CAMTA1: variants seen among roughly 807,000 people sequenced by gnomAD.
CAMTA1 encodes calmodulin binding transcription activator 1.
A neutral mutation model predicts 170.9 loss-of-function variants in CAMTA1; 27 were observed. The observed-to-expected ratio is 0.16, with a 90% CI of 0.12 to 0.22. The LOEUF (loss-of-function observed/expected upper bound fraction) is 0.22. Ranked by LOEUF, CAMTA1 falls within the 10% of genes least tolerant of loss-of-function variation. The pLI is 1.00. For missense variants in CAMTA1, 1,619 were observed against 2,217.2 expected, an observed-to-expected ratio of 0.73 and a Z score of 5.42; for synonymous variants, 833 against 891.5, an observed-to-expected ratio of 0.93 and a Z score of 1.17.
chr1:7,517,416 T>C (rs1369978184), intron 6 of CAMTA1, among the ~76,000 whole-genome samples: 4 of 152,104 alleles, frequency 2.6e-5, no homozygotes, highest in Admixed American at 6.5e-5. Context: ...GTGAAATGGG[T>C]ACACGAATCC....
At position 7,732,261 on chromosome 1, in the gene CAMTA1, C is replaced by G. The variant is rs575354236; in HGVS notation, c.2915-187C>G. Among the ~76,000 whole-genome samples the G allele has an allele frequency of 6.6e-6, 1 of 152,160 alleles. No individual in the cohort carries two copies. Among genetic ancestry groups the G allele is most frequent in the African/African-American group, 2.4e-5 (1 of 41,516 alleles). Reference sequence around the variant, plus strand: ...CGAGAACTTCGGGCTGCTGAAGGTGCCACCATCCTGTGTGAGGTGGTGACA... The same window carrying G: ...CGAGAACTTCGGGCTGCTGAAGGTGGCACCATCCTGTGTGAGGTGGTGACA... On this transcript the variant is annotated intron_variant, in intron 11 of 22. Transcript: ENST00000303635. The surrounding 1 kb of genome is among the most constrained non-coding windows in gnomAD (Gnocchi z 4.1).
intron 3 of CAMTA1, among the ~76,000 whole-genome samples, chr1:6,848,353 A>C (rs1659102320): frequency 2.6e-5 from 4 of 152,124 alleles, no homozygotes. Flanking sequence ...GAGTCTCCCT[A>C]CATTTCCCCG....
intron 6 of CAMTA1, among the ~76,000 whole-genome samples, chr1:7,531,787 TG>T (rs779637454): frequency 3.2e-4 from 49 of 152,236 alleles, no homozygotes; most frequent in South Asian, 1.0e-3. Flanking sequence ...ATGCCGTGCC[TG>T]TGGTCCACAG....
At chr1:7,222,351 C>T (rs1246926883) in intron 4 of CAMTA1, among the ~76,000 whole-genome samples, 2 of 152,152 alleles carry the variant, frequency 1.3e-5, no homozygotes, top group Non-Finnish European at 2.9e-5. Context: ...AATGCACCTG[C>T]GGGGAGGCTG....
At chr1:7,002,973 T>C (rs765891888) in intron 3 of CAMTA1, among the ~76,000 whole-genome samples, 3 of 145,624 alleles carry the variant, frequency 2.1e-5, no homozygotes, top group Non-Finnish European at 4.4e-5. Flanking sequence ...TGAAGGAACA[T>C]GGTAAAGAGC....
chr1:7,722,629 C>T (rs752789303), intron 11 of CAMTA1, among the ~76,000 whole-genome samples: 1 of 151,996 alleles, frequency 6.6e-6, no homozygotes, highest in Non-Finnish European at 1.5e-5. Context: ...TACTACTATA[C>T]TATAACCTAT....
chr1:7,407,260 C>T (rs1339471285), intron 5 of CAMTA1, among the ~76,000 whole-genome samples: 1 of 152,226 alleles, frequency 6.6e-6, no homozygotes, highest in African/African-American at 2.4e-5. Flanking sequence ...GGGCTCATGG[C>T]TGCTGGGGTA....
chr1:7,493,073 AG>A (rs2093751526), intron 6 of CAMTA1, among the ~76,000 whole-genome samples: 5 of 62,336 alleles, frequency 8.0e-5, no homozygotes, highest in South Asian at 4.5e-4. Context: ...GCACACACAC[AG>A]ACATACAAAC....
chr1:7,084,169 A>G (rs944906116), intron 3 of CAMTA1, among the ~76,000 whole-genome samples: 11 of 152,144 alleles, frequency 7.2e-5, no homozygotes, highest in South Asian at 2.1e-4. Context: ...AAATACATAT[A>G]TATATATAAA....
intron 3 of CAMTA1, among the ~76,000 whole-genome samples, chr1:6,896,148 T>A (rs1237373453): frequency 6.6e-6 from 1 of 152,208 alleles, no homozygotes; most frequent in Non-Finnish European, 1.5e-5. Flanking sequence ...GGAAAAAAAC[T>A]GCTCTAAACT....
intron 11 of CAMTA1, among the ~76,000 whole-genome samples, chr1:7,697,752 T>C (rs2096391984): frequency 6.6e-6 from 1 of 152,202 alleles, no homozygotes; most frequent in Admixed American, 6.5e-5. Flanking sequence ...GGCTGATGGC[T>C]AATGCATCTC....
At chr1:7,211,599 T>C (rs976481514) in intron 4 of CAMTA1, among the ~76,000 whole-genome samples, 10 of 152,348 alleles carry the variant, frequency 6.6e-5, no homozygotes, top group Middle Eastern at 6.8e-3. Flanking sequence ...CCGTCATTCT[T>C]TGAGCGCTTC....
chr1:7,613,696 T>A (rs1338469246), intron 6 of CAMTA1, among the ~76,000 whole-genome samples: 1 of 145,690 alleles, frequency 6.9e-6, no homozygotes, highest in African/African-American at 2.6e-5. Flanking sequence ...ACACACTGCA[T>A]GGCTCTCAGC....
At position 7,562,199 on chromosome 1, in the gene CAMTA1, C is replaced by T. The variant is rs1057235078; in HGVS notation, c.511-78201C>T. 6.6e-6 allele frequency among the ~76,000 whole-genome samples: 1 copy of T among 152,180 alleles called. No individual in the cohort carries two copies. Among genetic ancestry groups the T allele is most frequent in the Non-Finnish European group, 1.5e-5 (1 of 68,034 alleles). On this transcript the variant is annotated intron_variant, in intron 6 of 22. Coordinates refer to ENST00000303635, the MANE Select transcript of CAMTA1 (RefSeq NM_015215.4). This position sits in a 1 kb window ranked among gnomAD's most constrained non-coding sequence, Gnocchi z 4.8. ...AGGCCCGGCACCCCAGCTCCGGCCCCTCCCAAATCTGCTATTGTAAGCACT... is the reference window on the plus strand; with the variant it reads ...AGGCCCGGCACCCCAGCTCCGGCCCTTCCCAAATCTGCTATTGTAAGCACT...
In CAMTA1 at chr1:7,555,152, C is replaced by A. The variant is rs560791896; in HGVS notation, c.511-85248C>A. Among the ~76,000 whole-genome samples, 73 of 152,194 alleles carry A rather than the reference C, an allele frequency of 4.8e-4. 1 individual carries two copies. The highest frequency in any genetic ancestry group is 1.4e-3 in the Admixed American group (21 of 15,292). On this transcript the variant is annotated intron_variant, in intron 6 of 22. Transcript: ENST00000303635. The stretch of plus-strand genomic sequence containing the variant: ...CAGCGAGATGGGTGTGTTCTGGGAG[C>A]CGGATTGGCCTGTGGCTTTGGAAAT...
intron 3 of CAMTA1, among the ~76,000 whole-genome samples, chr1:7,058,721 G>A (rs1405643316): frequency 6.6e-6 from 1 of 152,168 alleles, no homozygotes; most frequent in Non-Finnish European, 1.5e-5. Flanking sequence ...TGAACATAGA[G>A]GCCAGGACTT....
At chr1:7,424,633 A>G (rs2091774806) in intron 5 of CAMTA1, among the ~76,000 whole-genome samples, 3 of 152,124 alleles carry the variant, frequency 2.0e-5, no homozygotes, top group African/African-American at 7.2e-5. Context: ...GCACTTTCTC[A>G]TGGGCTAAAC....
chr1:6,922,181 C>T (rs1322495077), intron 3 of CAMTA1, among the ~76,000 whole-genome samples: 1 of 151,582 alleles, frequency 6.6e-6, no homozygotes, highest in Admixed American at 6.6e-5. Context: ...CTTTTTTTTG[C>T]CAAAAACTCA....
At chr1:7,353,425 T>C (rs1426499530) in intron 5 of CAMTA1, among the ~76,000 whole-genome samples, 1 of 83,388 alleles carries the variant, frequency 1.2e-5, no homozygotes, top group Non-Finnish European at 2.1e-5. Context: ...TTTTTTTTCT[T>C]TCTCTCTTTT....
Sources: gnomAD v4.1 joint callset for allele counts (sites outside exome capture counted in the v4.1 genomes callset) on GRCh38, gnomAD v4.1.1 for gene constraint, Gnocchi (gnomAD v3.1) non-coding constraint, MANE v1.5 for transcripts, NCBI Gene and HGNC (gene_info 2026-07-23, HGNC 2026-07-21) for gene names.